TENM4: variants seen among roughly 807,000 people sequenced by gnomAD.
TENM4 encodes teneurin transmembrane protein 4, also known as teneurin-4.
A neutral mutation model predicts 243.3 loss-of-function variants in TENM4; 82 were observed. The ratio of observed to expected loss-of-function variants is 0.34; its 90% CI spans 0.28 to 0.40. The LOEUF (loss-of-function observed/expected upper bound fraction) is 0.40. TENM4 is among the 10% of genes least tolerant of loss of function. TENM4 has a pLI of 1.00. For synonymous variants in TENM4, 1,412 were observed against 1,456.3 expected (o/e 0.97, Z 0.69); for missense variants, 3,138 against 3,673.3 (o/e 0.85, Z 3.77).
intron 6 of TENM4, among the ~76,000 whole-genome samples, chr11:79,027,342 A>G (rs1046476208): frequency 2.0e-5 from 3 of 152,180 alleles, no homozygotes; most frequent in African/African-American, 4.8e-5. Flanking sequence ...ATTCCCATCT[A>G]TATTTCTAAA....
intron 12 of TENM4, among the ~76,000 whole-genome samples, chr11:78,832,986 C>T (rs1858017535): frequency 6.6e-6 from 1 of 152,168 alleles, no homozygotes; most frequent in Non-Finnish European, 1.5e-5. Flanking sequence ...GGGTGTGGAC[C>T]TTGCCCTCAA....
intron 6 of TENM4, among the ~76,000 whole-genome samples, chr11:79,042,894 C>T (rs188574497): frequency 1.8e-3 from 281 of 152,242 alleles, no homozygotes; most frequent in Admixed American, 5.6e-3. Flanking sequence ...GGATCATATC[C>T]TTTCCTAGAA....
chr11:79,215,690 G>C, intron 3 of TENM4, 118 bp downstream of exon 3: 2 of 894,690 alleles, frequency 2.2e-6, no homozygotes, highest in Non-Finnish European at 2.7e-6. Flanking sequence ...ATGCTGCCAA[G>C]TCGTAAAAGC....
intron 30 of TENM4, among the ~76,000 whole-genome samples, chr11:78,672,721 C>A (rs1237983984): frequency 6.6e-6 from 1 of 152,196 alleles, no homozygotes; most frequent in Admixed American, 6.5e-5. Flanking sequence ...AGAAAATAAA[C>A]TGACCCATCT....
intron 31 of TENM4, among the ~76,000 whole-genome samples, chr11:78,671,632 A>C (rs1211076003): frequency 6.6e-6 from 1 of 152,214 alleles, no homozygotes; most frequent in Admixed American, 6.5e-5. Flanking sequence ...CAGCACTTGA[A>C]GCTCAGGAGT....
Position 78,778,622 on chromosome 11 carries a change from T to C in TENM4, c.2372A>G (p.Tyr791Cys). 3.7e-6 allele frequency: 6 copies of C among 1,612,120 alleles called. No individual in the cohort carries two copies. Among genetic ancestry groups the C allele is most frequent in the Non-Finnish European group, 5.1e-6 (6 of 1,179,142 alleles). The change falls in exon 17 of 34, where the codon TAT (tyrosine) becomes TGT (cysteine). Residue 791 changes from tyrosine (Y) to cysteine (C), a missense_variant. Coordinates refer to ENST00000278550, the MANE Select transcript of TENM4 (RefSeq NM_001098816.3). ...WNGEHCTIAH[Y>C]LDRVVKEGCP... is the part of the protein sequence containing the mutation. ...CATACCTTTAACTACCCTATCCAGA[T>C]AGTGAGCTAGGGAGATAAAAGACAG...
chr11:79,071,517 T>C (rs1860415023), intron 4 of TENM4, among the ~76,000 whole-genome samples: 1 of 152,150 alleles, frequency 6.6e-6, no homozygotes, highest in East Asian at 1.9e-4. Context: ...TAAGACAAGC[T>C]GGAAATTTGG....
chr11:79,153,313 A>C (rs1448740045), intron 3 of TENM4, among the ~76,000 whole-genome samples: 5 of 152,210 alleles, frequency 3.3e-5, no homozygotes, highest in Admixed American at 1.3e-4. Flanking sequence ...TTCTTGTGTG[A>C]ATACATGTCC....
At chr11:79,161,035 C>T (rs1179162717) in intron 3 of TENM4, among the ~76,000 whole-genome samples, 1 of 152,176 alleles carries the variant, frequency 6.6e-6, no homozygotes, top group Admixed American at 6.5e-5. Flanking sequence ...AGTGAGCCAT[C>T]TTTGTCTCTG....
rs572509571 is a variant in TENM4, at chr11:79,284,243, TA to T, written c.-265+13244del. ...ATATGGAAATGCAAGGAACACAGAA[TA>T]TTCACATAATCCTTAAAAAGAAGAA... On this transcript the variant is annotated intron_variant, in intron 2 of 33. Coordinates refer to ENST00000278550, the MANE Select transcript of TENM4 (RefSeq NM_001098816.3). Among the ~76,000 whole-genome samples the T allele has an allele frequency of 3.2e-4, 48 of 152,316 alleles. 1 individual carries two copies. The South Asian group carries it at 9.9e-3, about 32-fold the overall frequency.
intron 4 of TENM4, among the ~76,000 whole-genome samples, chr11:79,092,173 G>A (rs1860973106): frequency 6.6e-6 from 1 of 152,184 alleles, no homozygotes; most frequent in African/African-American, 2.4e-5. Context: ...TCTGCTGCCA[G>A]GCACTGGGGA....
At chr11:79,334,279 A>G (rs1174643114) in intron 1 of TENM4, among the ~76,000 whole-genome samples, 1 of 152,186 alleles carries the variant, frequency 6.6e-6, no homozygotes, top group Non-Finnish European at 1.5e-5. Context: ...GCCCATCTGG[A>G]GATCCTCAAT....
chr11:79,013,586 C>T (rs1275885115), intron 6 of TENM4, among the ~76,000 whole-genome samples: 2 of 152,152 alleles, frequency 1.3e-5, no homozygotes, highest in African/African-American at 2.4e-5. Context: ...TCCTCTGGAG[C>T]GCCAACAGGG....
chr11:79,317,343 A>ATGACCAAG (rs1437441499), intron 1 of TENM4, among the ~76,000 whole-genome samples: 3 of 152,212 alleles, frequency 2.0e-5, no homozygotes, highest in East Asian at 1.9e-4. Context: ...TTAATAAAAA[A>ATGACCAAG]TGACCAAGTG....
At chr11:78,916,024 C>T (rs1856308320) in intron 6 of TENM4, among the ~76,000 whole-genome samples, 1 of 152,132 alleles carries the variant, frequency 6.6e-6, no homozygotes, top group African/African-American at 2.4e-5. Flanking sequence ...TCTCACCTGC[C>T]CTGCATACAC....
At chr11:78,830,688 G>C (rs117255332) in intron 12 of TENM4, among the ~76,000 whole-genome samples, 1 of 152,160 alleles carries the variant, frequency 6.6e-6, no homozygotes, top group Admixed American at 6.5e-5. Flanking sequence ...TTTAATTAAC[G>C]ATGGCTGAGT....
chr11:79,152,344 T>C (rs986352657), intron 3 of TENM4, among the ~76,000 whole-genome samples: 1 of 152,170 alleles, frequency 6.6e-6, no homozygotes. Context: ...ACAACCACTT[T>C]CTTTTACAGA....
chr11:78,761,700 C>G (rs1565368091), intron 18 of TENM4, among the ~76,000 whole-genome samples: 1 of 5,068 alleles, frequency 2.0e-4, no homozygotes, highest in African/African-American at 2.0e-3. Flanking sequence ...CTTAGCACAC[C>G]CCCCCAGCCC....
At chr11:79,024,167 G>A (rs546634395) in intron 6 of TENM4, among the ~76,000 whole-genome samples, 1 of 152,140 alleles carries the variant, frequency 6.6e-6, no homozygotes, top group Non-Finnish European at 1.5e-5. Context: ...AAAAGGTCTG[G>A]TGGCCAGGGT....
Sources: allele counts gnomAD v4.1 joint callset (sites outside exome capture counted in the v4.1 genomes callset), GRCh38; gene constraint gnomAD v4.1.1; transcripts MANE v1.5; gene names NCBI Gene and HGNC (gene_info 2026-07-23, HGNC 2026-07-21).